The following SCCPDH variants were observed in gnomAD, a reference collection of about 807,000 sequenced individuals.
SCCPDH encodes saccharopine dehydrogenase-like oxidoreductase.
Under a neutral mutation model 51.5 loss-of-function variants are expected in SCCPDH, and 34 were observed. That is an observed-to-expected ratio of 0.66 (90% CI 0.50 to 0.88). SCCPDH has a LOEUF of 0.88. Ranked by LOEUF, SCCPDH falls within the 40% of genes least tolerant of loss-of-function variation. SCCPDH has a pLI of 0.00. For synonymous variants in SCCPDH, 187 were observed against 191.3 expected (o/e 0.98, Z 0.19); for missense variants, 464 against 527.1 (o/e 0.88, Z 1.17).
In SCCPDH at chr1:246,764,188, A is replaced by C. The variant is rs549135141; in HGVS notation, c.991-58A>C. 4.9e-6 allele frequency: 5 copies of C among 1,022,320 alleles called. No homozygotes were observed. In the South Asian group the frequency reaches 5.4e-5, roughly 11 times the overall value. 63.3% of individuals were successfully genotyped at this position (1,022,320 alleles called of 1,614,324 possible). ...TTGAAATAGAATAGTCGGTTTTACT[A>C]TGTTCCAGGAGGAAATGACGTATTT... On this transcript the variant is annotated intron_variant, in intron 9 of 11. Coordinates refer to ENST00000366510, the MANE Select transcript of SCCPDH (RefSeq NM_016002.3).
At chr1:246,740,807 G>T (rs1010320754) in intron 4 of SCCPDH, among the ~76,000 whole-genome samples, 1 of 152,192 alleles carries the variant, frequency 6.6e-6, no homozygotes, top group African/African-American at 2.4e-5. Flanking sequence ...TGAGCAGGGT[G>T]TGGTGGCTTA....
At chr1:246,766,554 A>C (rs1000283767) in intron 11 of SCCPDH, among the ~76,000 whole-genome samples, 3 of 152,162 alleles carry the variant, frequency 2.0e-5, no homozygotes, top group African/African-American at 7.2e-5. Flanking sequence ...TGGCTAGATG[A>C]TTTTCAGACG....
intron 2 of SCCPDH, among the ~76,000 whole-genome samples, chr1:246,729,219 C>T (rs1668452577): frequency 6.6e-6 from 1 of 152,176 alleles, no homozygotes; most frequent in African/African-American, 2.4e-5. Flanking sequence ...GCTGGGCACG[C>T]ACTGTCATTG....
chr1:246,750,082 A>G (rs1668828193), intron 5 of SCCPDH, among the ~76,000 whole-genome samples: 1 of 152,168 alleles, frequency 6.6e-6, no homozygotes, highest in Admixed American at 6.5e-5. Context: ...CTTTGGACCC[A>G]GGTGTAATGA....
At chr1:246,726,623 G>A (rs1428924900) in intron 1 of SCCPDH, among the ~76,000 whole-genome samples, 1 of 152,124 alleles carries the variant, frequency 6.6e-6, no homozygotes, top group Non-Finnish European at 1.5e-5. Flanking sequence ...ATGTTACACA[G>A]GGTTGTTATT....
intron 10 of SCCPDH, among the ~76,000 whole-genome samples, chr1:246,765,600 TA>T (rs1669076629): frequency 6.6e-6 from 1 of 152,226 alleles, no homozygotes; most frequent in South Asian, 2.1e-4. Flanking sequence ...TTGTTGTTTT[TA>T]AGTGAAGTGT....
chr1:246,761,878 C>T (rs906423035), intron 9 of SCCPDH, among the ~76,000 whole-genome samples: 2 of 152,210 alleles, frequency 1.3e-5, no homozygotes, highest in Non-Finnish European at 2.9e-5. Flanking sequence ...CTCTTCAAGA[C>T]TCTGCTTTAA....
chr1:246,763,621 C>T (rs902747732), intron 9 of SCCPDH, among the ~76,000 whole-genome samples: 2 of 152,092 alleles, frequency 1.3e-5, no homozygotes, highest in Non-Finnish European at 2.9e-5. Flanking sequence ...GTTCATGTCA[C>T]ATTGTTATTT....
rs540872933 is a variant in SCCPDH, at chr1:246,743,476, G to C, written c.515-600G>C. On this transcript the variant is annotated intron_variant, in intron 4 of 11. Transcript: ENST00000366510. Reference sequence around the variant, plus strand: ...TACGCGCCTGTAATCCCAGCTACTTGGGAGGCTGAGGCATGAGAATCGCTT... The same window carrying C: ...TACGCGCCTGTAATCCCAGCTACTTCGGAGGCTGAGGCATGAGAATCGCTT... Among the ~76,000 whole-genome samples the C allele has an allele frequency of 2.6e-5, 4 of 152,102 alleles. No homozygotes were observed. The East Asian group carries it at 7.8e-4, about 30-fold the overall frequency.
chr1:246,733,992 T>A (rs1452158292), intron 2 of SCCPDH, among the ~76,000 whole-genome samples: 2 of 152,100 alleles, frequency 1.3e-5, no homozygotes, highest in Non-Finnish European at 1.5e-5. Context: ...TAGGTGAGAT[T>A]TCCTGGGAGA....
At chr1:246,740,406 C>T (rs1187641941) in intron 4 of SCCPDH, 105 bp downstream of exon 4, 2 of 950,252 alleles carry the variant, frequency 2.1e-6, no homozygotes, top group African/African-American at 3.3e-5. Context: ...AGAAACATAG[C>T]CATAAATGGG....
intron 2 of SCCPDH, among the ~76,000 whole-genome samples, chr1:246,731,066 G>C (rs960189244): frequency 6.6e-6 from 1 of 152,058 alleles, no homozygotes; most frequent in Non-Finnish European, 1.5e-5. Flanking sequence ...AGCTCAAAAA[G>C]AAAAAAGAAG....
At chr1:246,746,430 G>A (rs372652942) in intron 5 of SCCPDH, among the ~76,000 whole-genome samples, 6 of 152,326 alleles carry the variant, frequency 3.9e-5, no homozygotes, top group African/African-American at 1.2e-4. Context: ...GGCCCAGGAC[G>A]CGGCGCCGGG....
intron 5 of SCCPDH, among the ~76,000 whole-genome samples, chr1:246,749,134 G>A (rs911527078): frequency 6.6e-6 from 1 of 152,204 alleles, no homozygotes; most frequent in East Asian, 1.9e-4. Flanking sequence ...CGGCTGTAGG[G>A]TTCTGGAAGA....
chr1:246,747,082 G>GTC (rs1401315293), intron 5 of SCCPDH, among the ~76,000 whole-genome samples: 1 of 152,194 alleles, frequency 6.6e-6, no homozygotes, highest in Non-Finnish European at 1.5e-5. Flanking sequence ...ATGCCTGAGA[G>GTC]TAAATCATAT....
At chr1:246,730,837 T>G (rs1379528853) in intron 2 of SCCPDH, among the ~76,000 whole-genome samples, 1 of 152,074 alleles carries the variant, frequency 6.6e-6, no homozygotes, top group Non-Finnish European at 1.5e-5. Context: ...GGTGGGCAGA[T>G]CACTTGAGGT....
At position 246,764,372 on chromosome 1, in the gene SCCPDH, A is replaced by C. The variant is rs779748130; in HGVS notation, c.1102+15A>C. On this transcript the variant is annotated intron_variant, in intron 10 of 11. Coordinates refer to ENST00000366510, the MANE Select transcript of SCCPDH (RefSeq NM_016002.3). Reference sequence around the variant, plus strand: ...GAAAGGACCAGGTATTTCACATATCACTTAAGAATGCTTGGGAATTTTATA... The same window carrying C: ...GAAAGGACCAGGTATTTCACATATCCCTTAAGAATGCTTGGGAATTTTATA... 2.3e-5 allele frequency: 34 copies of C among 1,451,262 alleles called. No individual in the cohort carries two copies. Among genetic ancestry groups the C allele is most frequent in the Non-Finnish European group, 3.2e-5 (33 of 1,035,472 alleles). 89.9% of individuals were successfully genotyped at this position (1,451,262 alleles called of 1,614,324 possible).
chr1:246,758,616 G>A (rs1482887404), intron 6 of SCCPDH, among the ~76,000 whole-genome samples: 3 of 152,168 alleles, frequency 2.0e-5, no homozygotes, highest in African/African-American at 7.2e-5. Context: ...TACTTCGTGT[G>A]TAATAAAACA....
intron 3 of SCCPDH, among the ~76,000 whole-genome samples, chr1:246,736,896 A>AT (rs1327428709): frequency 1.3e-5 from 2 of 152,052 alleles, no homozygotes; most frequent in African/African-American, 4.8e-5. Context: ...ATCTTCCTCC[A>AT]TTTTTTGTAG....
Sources: gnomAD v4.1 joint callset for allele counts (sites outside exome capture counted in the v4.1 genomes callset) on GRCh38, gnomAD v4.1.1 for gene constraint, MANE v1.5 for transcripts, NCBI Gene and HGNC (gene_info 2026-07-23, HGNC 2026-07-21) for gene names.